The following SSBP2 variants were observed in gnomAD, a reference collection of about 807,000 sequenced individuals.
SSBP2 encodes single-stranded DNA-binding protein 2.
SSBP2 carries 17 observed loss-of-function variants against 61.8 expected under a neutral mutation model. The observed-to-expected ratio is 0.28, with a 90% CI of 0.19 to 0.41. SSBP2 has a LOEUF of 0.41. Among genes scored for constraint, SSBP2 ranks in the 10% least tolerant of loss-of-function variants. SSBP2 has a pLI of 1.00. For missense variants in SSBP2, 310 were observed against 458.7 expected (o/e 0.68, Z 2.96); for synonymous variants, 139 against 141.3 (o/e 0.98, Z 0.12).
chr5:81,636,975 A>C (rs1361971779), intron 2 of SSBP2, among the ~76,000 whole-genome samples: 1 of 152,208 alleles, frequency 6.6e-6, no homozygotes, highest in African/African-American at 2.4e-5. Flanking sequence ...CCATAAACTA[A>C]GAGATGCTCT....
intron 1 of SSBP2, among the ~76,000 whole-genome samples, chr5:81,700,876 T>TA (rs1335642138): frequency 1.3e-5 from 2 of 152,246 alleles, no homozygotes; most frequent in Admixed American, 6.5e-5. Flanking sequence ...GGCTTTGGTT[T>TA]AAGGGAATGT....
chr5:81,543,395 T>C (rs1197350359), intron 4 of SSBP2, among the ~76,000 whole-genome samples: 1 of 152,150 alleles, frequency 6.6e-6, no homozygotes. Context: ...AGCAAATTAA[T>C]TCAGGAACAG....
intron 1 of SSBP2, among the ~76,000 whole-genome samples, chr5:81,701,750 C>G (rs150398040): frequency 1.7e-4 from 26 of 152,228 alleles, no homozygotes; most frequent in African/African-American, 6.0e-4. Context: ...ATCCTTGGCA[C>G]CTAAAGAAAC....
chr5:81,486,650 C>T (rs1166130971), intron 6 of SSBP2, among the ~76,000 whole-genome samples: 1 of 152,096 alleles, frequency 6.6e-6, no homozygotes, highest in East Asian at 1.9e-4. Flanking sequence ...GACTCAGGCA[C>T]CTATATAAGT....
intron 4 of SSBP2, among the ~76,000 whole-genome samples, chr5:81,528,558 C>T (rs1770139106): frequency 1.3e-5 from 2 of 151,960 alleles, no homozygotes; most frequent in Admixed American, 1.3e-4. Context: ...AACATGCCCA[C>T]ATAATTCATT....
At chr5:81,693,032 T>C (rs900621247) in intron 1 of SSBP2, among the ~76,000 whole-genome samples, 2 of 151,684 alleles carry the variant, frequency 1.3e-5, no homozygotes, top group African/African-American at 4.8e-5. Context: ...AGTGAAAGCT[T>C]GTCTCTACTA....
chr5:81,698,593 C>T (rs1753750877), intron 1 of SSBP2, among the ~76,000 whole-genome samples: 1 of 152,174 alleles, frequency 6.6e-6, no homozygotes, highest in Admixed American at 6.5e-5. Flanking sequence ...GGGCGGATTA[C>T]TTGAGGTCAG....
At chr5:81,605,244 A>C (rs1744762000) in intron 4 of SSBP2, among the ~76,000 whole-genome samples, 1 of 152,166 alleles carries the variant, frequency 6.6e-6, no homozygotes, top group Non-Finnish European at 1.5e-5. Context: ...ATCTTCTTAT[A>C]CTTTACTCAA....
At chr5:81,624,059 T>C (rs1302467514) in intron 3 of SSBP2, among the ~76,000 whole-genome samples, 1 of 152,306 alleles carries the variant, frequency 6.6e-6, no homozygotes, top group Non-Finnish European at 1.5e-5. Context: ...TTATTTTCCA[T>C]ACATTTACAA....
At chr5:81,508,826 A>C (rs1187362650) in intron 5 of SSBP2, among the ~76,000 whole-genome samples, 1 of 152,166 alleles carries the variant, frequency 6.6e-6, no homozygotes, top group Non-Finnish European at 1.5e-5. Flanking sequence ...GTATGATCAC[A>C]AAGTAAGTAG....
chr5:81,489,043 T>A (rs2154052046), intron 6 of SSBP2, among the ~76,000 whole-genome samples: 1 of 152,182 alleles, frequency 6.6e-6, no homozygotes, highest in East Asian at 1.9e-4. Flanking sequence ...CAGAAATAGA[T>A]CTGTGTGGAT....
chr5:81,652,784 C>T (rs893933002), intron 1 of SSBP2, among the ~76,000 whole-genome samples: 1 of 151,480 alleles, frequency 6.6e-6, no homozygotes. Context: ...TTTTTGGGAA[C>T]GAGCTGTGTT....
intron 4 of SSBP2, among the ~76,000 whole-genome samples, chr5:81,559,391 A>AG (rs1772861589): frequency 1.3e-5 from 2 of 150,766 alleles, no homozygotes; most frequent in African/African-American, 2.4e-5. Context: ...CATCAAAAAA[A>AG]AAAAAAAAAA....
intron 4 of SSBP2, among the ~76,000 whole-genome samples, chr5:81,604,181 T>C (rs1744649741): frequency 6.6e-6 from 1 of 151,986 alleles, no homozygotes; most frequent in Non-Finnish European, 1.5e-5. Context: ...AGCAATCTCA[T>C]TTACATGAGA....
chr5:81,499,952 T>C (rs959941721), intron 5 of SSBP2, among the ~76,000 whole-genome samples: 43 of 152,236 alleles, frequency 2.8e-4, no homozygotes, highest in African/African-American at 9.9e-4. Flanking sequence ...TATCTTGATA[T>C]GCTTGGGAAG....
intron 5 of SSBP2, among the ~76,000 whole-genome samples, chr5:81,506,767 T>C (rs1768212249): frequency 6.6e-6 from 1 of 152,160 alleles, no homozygotes; most frequent in South Asian, 2.1e-4. Context: ...ATCTTCAAAA[T>C]GCAGAATTTA....
chr5:81,512,418 T>C (rs761739683), intron 5 of SSBP2, among the ~76,000 whole-genome samples: 6 of 152,198 alleles, frequency 3.9e-5, no homozygotes, highest in Non-Finnish European at 7.4e-5. Context: ...AAGCATGGCA[T>C]GTAGTTAGCA....
rs1774997102 is a variant in SSBP2, at chr5:81,585,563, A to G, written c.282+29910T>C. ...AAAAATTGTGTGTGTGTATATATATATATATATGGTTTACAGCATATTTTC... is the reference window on the plus strand; with the variant it reads ...AAAAATTGTGTGTGTGTATATATATGTATATATGGTTTACAGCATATTTTC... On this transcript the variant is annotated intron_variant, in intron 4 of 16. Coordinates refer to ENST00000320672, the MANE Select transcript of SSBP2 (RefSeq NM_012446.5). 2.0e-5 allele frequency among the ~76,000 whole-genome samples: 3 copies of G among 152,000 alleles called. No individual in the cohort carries two copies. In the South Asian group the frequency reaches 6.2e-4, roughly 31 times the overall value.
At chr5:81,737,082 C>T (rs940267974) in intron 1 of SSBP2, among the ~76,000 whole-genome samples, 9 of 152,106 alleles carry the variant, frequency 5.9e-5, no homozygotes, top group African/African-American at 2.2e-4. Context: ...TACACTCAGT[C>T]ACTTTCAACA....
Sources: allele counts gnomAD v4.1 joint callset (sites outside exome capture counted in the v4.1 genomes callset), GRCh38; gene constraint gnomAD v4.1.1; transcripts MANE v1.5; gene names NCBI Gene and HGNC (gene_info 2026-07-23, HGNC 2026-07-21).